NPEPPS: variants seen among roughly 807,000 people sequenced by gnomAD.
NPEPPS encodes the protein aminopeptidase puromycin sensitive, also known as puromycin-sensitive aminopeptidase.
A neutral mutation model predicts 115.5 loss-of-function variants in NPEPPS; 14 were observed. The observed-to-expected ratio is 0.12, with a 90% CI of 0.08 to 0.19. The LOEUF (loss-of-function observed/expected upper bound fraction) is 0.19. Ranked by LOEUF, NPEPPS falls within the 10% of genes least tolerant of loss-of-function variation. The pLI is 1.00. For synonymous variants in NPEPPS, 285 were observed against 390.6 expected (o/e 0.73, Z 3.19); for missense variants, 523 against 1,110.8 (o/e 0.47, Z 7.52).
intron 2 of NPEPPS, among the ~76,000 whole-genome samples, chr17:47,563,888 C>T (rs899399002): frequency 6.7e-6 from 1 of 149,830 alleles, no homozygotes; most frequent in Non-Finnish European, 1.5e-5. Flanking sequence ...TGTTTCTTAA[C>T]AATAACTAGG....
At chr17:47,608,093 C>T (rs1913623580) in intron 17 of NPEPPS, among the ~76,000 whole-genome samples, 1 of 152,042 alleles carries the variant, frequency 6.6e-6, no homozygotes. Context: ...TCTCCTCCCT[C>T]AGCATCCCAA....
At chr17:47,558,800 C>T (rs1242508873) in intron 2 of NPEPPS, among the ~76,000 whole-genome samples, 3 of 151,328 alleles carry the variant, frequency 2.0e-5, no homozygotes, top group African/African-American at 4.9e-5. Context: ...TTTGGGAGGC[C>T]GAGGTGGGTG....
At chr17:47,551,977 T>TTC in intron 2 of NPEPPS, among the ~76,000 whole-genome samples, 1 of 127,578 alleles carries the variant, frequency 7.8e-6, no homozygotes, top group Non-Finnish European at 1.8e-5. Context: ...TTTTTTTTTT[T>TTC]TTTCTTTTTT....
At chr17:47,532,133 G>T (rs2611978) in intron 1 of NPEPPS, among the ~76,000 whole-genome samples, 2 of 151,978 alleles carry the variant, frequency 1.3e-5, no homozygotes, top group Admixed American at 6.6e-5. Flanking sequence ...AGGCAGCCTC[G>T]CTGACTTCTC....
At chr17:47,557,401 A>G (rs1910123585) in intron 2 of NPEPPS, 2 of 151,114 alleles carry the variant, frequency 1.3e-5, no homozygotes, top group African/African-American at 2.4e-5. Flanking sequence ...CAGATTTAAA[A>G]AAACTTCTTT....
intron 8 of NPEPPS, chr17:47,586,839 A>T: frequency 2.2e-6 from 1 of 454,382 alleles, no homozygotes; most frequent in Non-Finnish European, 4.4e-6. Context: ...AGATGAGCTA[A>T]GTGTTGGACA....
rs1448365202 is a variant in NPEPPS, at chr17:47,622,400, G to C, written c.*480G>C. 1 of 164,008 alleles carries C rather than the reference G, an allele frequency of 6.1e-6. No homozygotes were observed. The highest frequency in any genetic ancestry group is 3.0e-3 in the Middle Eastern group (1 of 338). The allele number at this position is 164,008 out of a possible 1,614,324, so 10.2% of individuals were successfully genotyped here. On this transcript the variant is annotated 3_prime_UTR_variant, in exon 23 of 23. Transcript: ENST00000322157. ...GGCTGATAGCTGGTATCACATAGTT[G>C]GAGTCAGTGCATAATTCCAAGTGGC...
rs930725741 is a variant in NPEPPS at position 47,534,358 on chromosome 17, C to T, written c.255+2803C>T. ...CCTCCTAAAGAGCTGGGATTACAGG[C>T]GTGAGCCACTGTGCCCGGCGACAAA... On this transcript the variant is annotated intron_variant, in intron 1 of 22. Coordinates refer to ENST00000322157, the MANE Select transcript of NPEPPS (RefSeq NM_006310.4). 2.4e-4 allele frequency among the ~76,000 whole-genome samples: 37 copies of T among 152,212 alleles called. No individual in the cohort carries two copies. The East Asian group carries it at 2.9e-3, about 12-fold the overall frequency.
At chr17:47,539,578 G>A (rs541565172) in intron 1 of NPEPPS, among the ~76,000 whole-genome samples, 1 of 151,922 alleles carries the variant, frequency 6.6e-6, no homozygotes, top group Non-Finnish European at 1.5e-5. Flanking sequence ...TTTCCATCTC[G>A]TCCCACCCTG....
intron 2 of NPEPPS, among the ~76,000 whole-genome samples, chr17:47,547,890 G>A (rs768268392): frequency 4.6e-5 from 7 of 152,122 alleles, no homozygotes; most frequent in Non-Finnish European, 1.0e-4. Context: ...GCTGGGCGTG[G>A]TGGCGGGCGC....
At chr17:47,600,618 A>T (rs1253602935) in intron 14 of NPEPPS, among the ~76,000 whole-genome samples, 1 of 152,218 alleles carries the variant, frequency 6.6e-6, no homozygotes, top group Admixed American at 6.5e-5. Context: ...ATATTGGAGA[A>T]ATTTTACTTT....
intron 1 of NPEPPS, among the ~76,000 whole-genome samples, chr17:47,535,507 C>T (rs887908681): frequency 1.4e-5 from 2 of 147,120 alleles, no homozygotes; most frequent in Non-Finnish European, 3.0e-5. Context: ...GCCGAGATCG[C>T]GCCACGCACT....
At position 47,623,058 on chromosome 17, in the gene NPEPPS, C is replaced by T. The variant is rs979920951; in HGVS notation, c.*1138C>T. 1 of 311,690 alleles carries T rather than the reference C, an allele frequency of 3.2e-6. No homozygotes were observed. Among genetic ancestry groups the T allele is most frequent in the African/African-American group, 2.3e-5 (1 of 43,830 alleles). The allele number at this position is 311,690 out of a possible 1,614,324, so 19.3% of individuals were successfully genotyped here. ...CTATTTAATCCAATGAGTTTTAAAT[C>T]TAAATCTCATTCCCTTCTTCTTTCC... is the stretch of plus-strand genomic sequence containing the variant. On this transcript the variant is annotated 3_prime_UTR_variant, in exon 23 of 23. Coordinates refer to ENST00000322157, the MANE Select transcript of NPEPPS (RefSeq NM_006310.4).
chr17:47,614,170 C>T (rs1914047860), intron 19 of NPEPPS, among the ~76,000 whole-genome samples: 1 of 152,000 alleles, frequency 6.6e-6, no homozygotes, highest in Non-Finnish European at 1.5e-5. Flanking sequence ...GAAGGTTTCA[C>T]CATGCCCAGG....
chr17:47,561,780 C>T (rs1356017486), intron 2 of NPEPPS, among the ~76,000 whole-genome samples: 1 of 152,180 alleles, frequency 6.6e-6, no homozygotes, highest in African/African-American at 2.4e-5. Context: ...GATTGGAGGT[C>T]ATAAGACCCC....
intron 22 of NPEPPS, among the ~76,000 whole-genome samples, chr17:47,620,600 A>G (rs763993953): frequency 2.6e-5 from 4 of 152,226 alleles, no homozygotes; most frequent in Non-Finnish European, 4.4e-5. Flanking sequence ...ATGGAATGGA[A>G]AAAGACTTGA....
At chr17:47,549,369 A>G (rs1384012592) in intron 2 of NPEPPS, among the ~76,000 whole-genome samples, 1 of 151,904 alleles carries the variant, frequency 6.6e-6, no homozygotes, top group Non-Finnish European at 1.5e-5. Flanking sequence ...AGAACTAGCT[A>G]AGGTACATTT....
intron 16 of NPEPPS, among the ~76,000 whole-genome samples, chr17:47,604,549 C>T (rs1489963514): frequency 6.6e-6 from 1 of 152,210 alleles, no homozygotes; most frequent in Non-Finnish European, 1.5e-5. Flanking sequence ...TTTATGACTT[C>T]AGCGTAGGTT....
At chr17:47,596,547 T>A in intron 13 of NPEPPS, 85 bp downstream of exon 13, 1 of 739,668 alleles carries the variant, frequency 1.4e-6, no homozygotes, top group Non-Finnish European at 2.1e-6. Context: ...TTCTGTACTT[T>A]AAGTTTTCTA....
Sources: allele counts gnomAD v4.1 joint callset (sites outside exome capture counted in the v4.1 genomes callset), GRCh38; gene constraint gnomAD v4.1.1; transcripts MANE v1.5; gene names NCBI Gene and HGNC (gene_info 2026-07-23, HGNC 2026-07-21).